Variants in TAF1A observed in about 807,000 individuals in gnomAD.
TAF1A encodes TATA-box binding protein associated factor, RNA polymerase I subunit A.
A neutral mutation model predicts 61.6 loss-of-function variants in TAF1A; 42 were observed. The observed-to-expected ratio is 0.68, with a 90% confidence interval of 0.53 to 0.88. The LOEUF (loss-of-function observed/expected upper bound fraction) is 0.88. Ranked by LOEUF, TAF1A falls within the 40% of genes least tolerant of loss-of-function variation. The probability of loss-of-function intolerance (pLI) is 0.00; values close to 1 mark genes in which losing one functional copy is unlikely to be tolerated. For synonymous variants in TAF1A, 179 were observed against 177.7 expected (o/e 1.01, Z -0.06); for missense variants, 424 against 518.7 (o/e 0.82, Z 1.77).
chr1:222,575,457 G>A lies in TAF1A; in HGVS notation c.604+1988C>T, dbSNP rs139161844. ...CAGGAGGTCGAGGCTGCAATGAGCC[G>A]TGATCACACCACTGCACTCCAGCCT... On this transcript the variant is annotated intron_variant, in intron 5 of 10. Transcript: ENST00000352967. 9.4e-3 allele frequency among the ~76,000 whole-genome samples: 1,430 copies of A among 152,232 alleles called. 12 individuals carry two copies. Among genetic ancestry groups the A allele is most frequent in the African/African-American group, 0.032 (1,324 of 41,518 alleles).
At chr1:222,570,722 A>G (rs1205019295) in intron 5 of TAF1A, 57 bp from the exon 6 acceptor site, 2 of 1,472,092 alleles carry the variant, frequency 1.4e-6, no homozygotes, top group Non-Finnish European at 1.8e-6. Context: ...CCTCTGTTAA[A>G]TTAGTAATTT....
At position 222,565,018 on chromosome 1, in the gene TAF1A, G is replaced by T. The variant is rs566432104; in HGVS notation, c.895-893C>A. Among the ~76,000 whole-genome samples, 5 of 152,240 alleles carry T rather than the reference G, an allele frequency of 3.3e-5. No individual in the cohort carries two copies. The East Asian group carries it at 9.6e-4, about 29-fold the overall frequency. On this transcript the variant is annotated intron_variant, in intron 7 of 10. Coordinates refer to ENST00000352967, the MANE Select transcript of TAF1A (RefSeq NM_005681.4). ...TTGAAATATAACATGTAGTAGAAGT[G>T]CATACAAATCATGACACCAGTCAGT...
rs1659910267 is a variant in TAF1A at position 222,561,407 on chromosome 1, C to T, written c.1197G>A (p.Leu399=). The T allele has an allele frequency of 2.5e-6, 4 of 1,611,288 alleles. No individual in the cohort carries two copies. The highest frequency in any genetic ancestry group is 1.7e-5 in the Admixed American group (1 of 59,598). ...CAGCCACAAAAGCTTTCTCACAGGC[C>T]AAAGCTGTATCTTCCTTCCAATCAC... ...AKSDWKEDTA[L]ACEKAFVAGL... The change falls in exon 10 of 11, where the codon TTG becomes TTA. Residue 399 remains leucine, a synonymous_variant. Coordinates refer to ENST00000352967, the MANE Select transcript of TAF1A (RefSeq NM_005681.4).
At chr1:222,568,450 T>C (rs868217241) in intron 7 of TAF1A, among the ~76,000 whole-genome samples, 5 of 149,882 alleles carry the variant, frequency 3.3e-5, no homozygotes, top group African/African-American at 1.2e-4. Flanking sequence ...CCCCCAAAAA[T>C]AGACTAAGTA....
downstream of TAF1A, among the ~76,000 whole-genome samples, chr1:222,555,313 T>C (rs975595596): frequency 2.6e-5 from 4 of 152,230 alleles, no homozygotes; most frequent in Non-Finnish European, 5.9e-5. Flanking sequence ...CCTATGTTCA[T>C]TGCAGCATTA....
chr1:222,574,168 A>C (rs963383032), intron 5 of TAF1A, among the ~76,000 whole-genome samples: 11 of 152,132 alleles, frequency 7.2e-5, no homozygotes, highest in African/African-American at 2.7e-4. Context: ...AAAATATTCT[A>C]ATATTGTACT....
intron 2 of TAF1A, among the ~76,000 whole-genome samples, chr1:222,585,216 C>T (rs1453781106): frequency 2.0e-5 from 3 of 152,060 alleles, no homozygotes; most frequent in Non-Finnish European, 4.4e-5. Context: ...TAATTTTTTA[C>T]AATAAATCAT....
At chr1:222,557,822 C>G (rs1271775977), downstream of TAF1A, 1 of 151,914 alleles carries the variant, frequency 6.6e-6, no homozygotes, top group Non-Finnish European at 1.5e-5. Flanking sequence ...AGGTCTCTCT[C>G]TAGCAGGAGG....
chr1:222,575,582 G>C (rs2936035), intron 5 of TAF1A, among the ~76,000 whole-genome samples: 1 of 151,978 alleles, frequency 6.6e-6, no homozygotes, highest in African/African-American at 2.4e-5. Context: ...TATAGAAGGA[G>C]GTTCCTAGTC....
chr1:222,567,364 T>TA (rs2102646212), intron 7 of TAF1A, among the ~76,000 whole-genome samples: 1 of 152,296 alleles, frequency 6.6e-6, no homozygotes, highest in South Asian at 2.1e-4. Flanking sequence ...ATTCTGGAAA[T>TA]AGACAGTGAT....
At chr1:222,578,992 C>A (rs2102669726) in intron 4 of TAF1A, among the ~76,000 whole-genome samples, 1 of 152,284 alleles carries the variant, frequency 6.6e-6, no homozygotes, top group African/African-American at 2.4e-5. Context: ...CTTCACACTC[C>A]CTCCCTAATT....
At chr1:222,568,303 C>T (rs1660202373) in intron 7 of TAF1A, among the ~76,000 whole-genome samples, 1 of 151,778 alleles carries the variant, frequency 6.6e-6, no homozygotes, top group Non-Finnish European at 1.5e-5. Context: ...GAAGTTTCTA[C>T]TCTTTGAAAG....
chr1:222,585,082 T>C (rs1660958575), intron 2 of TAF1A, among the ~76,000 whole-genome samples: 1 of 152,184 alleles, frequency 6.6e-6, no homozygotes, highest in African/African-American at 2.4e-5. Context: ...AGCTTCACAA[T>C]CAAAATCATT....
intron 6 of TAF1A, 47 bp from the exon 7 acceptor site, chr1:222,569,715 C>A (rs751138303): frequency 6.5e-7 from 1 of 1,533,090 alleles, no homozygotes; most frequent in South Asian, 1.2e-5. Flanking sequence ...TGTAAGACAG[C>A]TATACGAAAA....
At chr1:222,564,779 G>T (rs76826638) in intron 7 of TAF1A, among the ~76,000 whole-genome samples, 5,554 of 152,054 alleles carry the variant, frequency 0.037, 581 homozygotes, top group East Asian at 0.23. Flanking sequence ...AATTCATTCT[G>T]CTTACTAAAG....
At chr1:222,579,524 C>T (rs1660701343) in intron 4 of TAF1A, among the ~76,000 whole-genome samples, 1 of 152,134 alleles carries the variant, frequency 6.6e-6, no homozygotes, top group African/African-American at 2.4e-5. Context: ...CTGGTTTTGG[C>T]AGCCAGAAGA....
At chr1:222,568,125 A>C (rs1363236622) in intron 7 of TAF1A, among the ~76,000 whole-genome samples, 1 of 151,800 alleles carries the variant, frequency 6.6e-6, no homozygotes, top group Non-Finnish European at 1.5e-5. Flanking sequence ...CACTACCCAC[A>C]AAAAAATAGC....
Position 222,561,521 on chromosome 1 carries a change from G to A in TAF1A, c.1086-3C>T, listed in dbSNP as rs750705681. 1 of 1,582,490 alleles carries A rather than the reference G, an allele frequency of 6.3e-7. No individual in the cohort carries two copies. Among genetic ancestry groups the A allele is most frequent in the Non-Finnish European group, 8.6e-7 (1 of 1,166,772 alleles). Reference sequence around the variant, plus strand: ...CTTGAACCCACGCAAGGTGGTTTCTGGAAAAGAAAAATGTCAAAAGAGAGG... The same window carrying A: ...CTTGAACCCACGCAAGGTGGTTTCTAGAAAAGAAAAATGTCAAAAGAGAGG... On this transcript the variant is annotated splice_polypyrimidine_tract_variant and splice_region_variant and intron_variant, in intron 9 of 10. Transcript: ENST00000352967.
At chr1:222,577,140 G>GAGTAACTCC (rs1660603779) in intron 5 of TAF1A, among the ~76,000 whole-genome samples, 1 of 141,282 alleles carries the variant, frequency 7.1e-6, no homozygotes, top group Non-Finnish European at 1.5e-5. Context: ...TCTTCCTCCT[G>GAGTAACTCC]TCAGTAGTTA....
Sources: gnomAD v4.1 joint callset for allele counts (sites outside exome capture counted in the v4.1 genomes callset) on GRCh38, gnomAD v4.1.1 for gene constraint, MANE v1.5 for transcripts, NCBI Gene and HGNC (gene_info 2026-07-23, HGNC 2026-07-21) for gene names.